Variants in CDKAL1 observed in about 807,000 individuals in gnomAD.
CDKAL1 encodes threonylcarbamoyladenosine tRNA methylthiotransferase.
In CDKAL1, 32 loss-of-function variants were observed where a neutral mutation model predicts 68.2. The ratio of observed to expected loss-of-function variants is 0.47; its 90% confidence interval spans 0.35 to 0.63. The LOEUF is 0.63. Among genes scored for constraint, CDKAL1 ranks in the 30% least tolerant of loss-of-function variants. CDKAL1 has a pLI of 0.00. For missense variants in CDKAL1, 606 were observed against 696.7 expected (o/e 0.87, Z 1.47); for synonymous variants, 234 against 244.3 (o/e 0.96, Z 0.39).
At chr6:20,824,179 G>A (rs1228789194) in intron 8 of CDKAL1, among the ~76,000 whole-genome samples, 1 of 152,136 alleles carries the variant, frequency 6.6e-6, no homozygotes, top group African/African-American at 2.4e-5. Flanking sequence ...CTGTAGTGCA[G>A]TTAAAAGGAT....
At chr6:20,748,468 G>C (rs1308488667) in intron 6 of CDKAL1, among the ~76,000 whole-genome samples, 1 of 148,762 alleles carries the variant, frequency 6.7e-6, no homozygotes. Flanking sequence ...TCCAGGCTGT[G>C]GTGAGTTCCA....
intron 15 of CDKAL1, among the ~76,000 whole-genome samples, chr6:21,208,615 T>G (rs1161717317): frequency 6.6e-6 from 1 of 151,822 alleles, no homozygotes; most frequent in Non-Finnish European, 1.5e-5. Context: ...TGTTCCTTTT[T>G]TTTCTTACTA....
At chr6:21,007,715 G>A (rs1767808324) in intron 11 of CDKAL1, among the ~76,000 whole-genome samples, 1 of 152,104 alleles carries the variant, frequency 6.6e-6, no homozygotes, top group African/African-American at 2.4e-5. Context: ...ATTTTTGGGT[G>A]TTTACTTTCA....
At chr6:21,033,575 AG>A (rs1769410817) in intron 11 of CDKAL1, among the ~76,000 whole-genome samples, 1 of 152,156 alleles carries the variant, frequency 6.6e-6, no homozygotes, top group Non-Finnish European at 1.5e-5. Flanking sequence ...CATATGGAAT[AG>A]TTTCCAAATC....
chr6:21,039,956 G>A (rs544236645), intron 11 of CDKAL1, among the ~76,000 whole-genome samples: 33 of 152,306 alleles, frequency 2.2e-4, no homozygotes, highest in African/African-American at 7.7e-4. Flanking sequence ...TAAACATTAA[G>A]TCAGTTCCCA....
At chr6:21,102,193 A>G (rs1157623308) in intron 12 of CDKAL1, among the ~76,000 whole-genome samples, 2 of 152,158 alleles carry the variant, frequency 1.3e-5, no homozygotes, top group South Asian at 2.1e-4. Flanking sequence ...TATAGTCTAT[A>G]AAAGCATAAT....
intron 11 of CDKAL1, among the ~76,000 whole-genome samples, chr6:21,062,871 G>C (rs1203860502): frequency 6.6e-6 from 1 of 151,484 alleles, no homozygotes; most frequent in Non-Finnish European, 1.5e-5. Context: ...ATCTTAATTT[G>C]ATAAACTGTT....
At chr6:20,891,174 G>T (rs961461021) in intron 9 of CDKAL1, among the ~76,000 whole-genome samples, 1 of 152,222 alleles carries the variant, frequency 6.6e-6, no homozygotes. Flanking sequence ...AGGCACTATG[G>T]TGTGTTCATT....
chr6:20,665,941 G>C (rs1243241588), intron 5 of CDKAL1, among the ~76,000 whole-genome samples: 1 of 128,150 alleles, frequency 7.8e-6, no homozygotes, highest in Non-Finnish European at 1.6e-5. Flanking sequence ...CTGCTTAATG[G>C]CAGTTGCACC....
intron 9 of CDKAL1, among the ~76,000 whole-genome samples, chr6:20,853,321 C>T (rs186998030): frequency 6.7e-6 from 1 of 149,884 alleles, no homozygotes; most frequent in Admixed American, 6.7e-5. Context: ...GGTGAGGTTG[C>T]AGTGAGCCAA....
intron 11 of CDKAL1, among the ~76,000 whole-genome samples, chr6:21,039,694 A>T (rs575657640): frequency 6.6e-6 from 1 of 152,260 alleles, no homozygotes; most frequent in South Asian, 2.1e-4. Context: ...AAGCATTTCT[A>T]TAAAATATGG....
At chr6:21,063,685 A>G (rs1490190043) in intron 11 of CDKAL1, among the ~76,000 whole-genome samples, 1 of 152,234 alleles carries the variant, frequency 6.6e-6, no homozygotes, top group East Asian at 1.9e-4. Flanking sequence ...AAATTGAGAA[A>G]GAGCTCTGAG....
intron 8 of CDKAL1, among the ~76,000 whole-genome samples, chr6:20,810,397 CACACACA>C (rs1776752263): frequency 2.8e-3 from 6 of 2,168 alleles, no homozygotes; most frequent in East Asian, 0.025. Flanking sequence ...CTCTGTCACA[CACACACA>C]CACACACACA....
At chr6:20,754,200 T>G (rs928314246) in intron 6 of CDKAL1, among the ~76,000 whole-genome samples, 2 of 152,136 alleles carry the variant, frequency 1.3e-5, no homozygotes, top group African/African-American at 4.8e-5. Context: ...CAAGCTGGGC[T>G]CAAACTCCTG....
chr6:20,954,288 GTTTTA>G lies in CDKAL1; in HGVS notation c.743-1127_743-1123del, dbSNP rs1486112741. 3.3e-5 allele frequency among the ~76,000 whole-genome samples: 5 copies of G among 152,180 alleles called. No individual in the cohort carries two copies. The South Asian group carries it at 6.2e-4, about 19-fold the overall frequency. On this transcript the variant is annotated intron_variant, in intron 9 of 15. Transcript: ENST00000274695. ...GTCCACGTTCACATAAAAGCCATGT[GTTTTA>G]TTTGTTGTCTCTCTTGGCTAGGAAT...
At chr6:21,129,477 A>G (rs974018805) in intron 13 of CDKAL1, among the ~76,000 whole-genome samples, 2 of 152,096 alleles carry the variant, frequency 1.3e-5, no homozygotes, top group African/African-American at 4.8e-5. Flanking sequence ...GCCTATGGTA[A>G]GAAGGCTCAA....
At chr6:20,550,615 G>A (rs1035234604) in intron 4 of CDKAL1, among the ~76,000 whole-genome samples, 4 of 152,104 alleles carry the variant, frequency 2.6e-5, no homozygotes, top group African/African-American at 9.7e-5. Flanking sequence ...TTGCCACCGT[G>A]AGGTGTCGCT....
chr6:20,728,130 A>G (rs1194385075), intron 5 of CDKAL1, among the ~76,000 whole-genome samples: 1 of 152,214 alleles, frequency 6.6e-6, no homozygotes, highest in Non-Finnish European at 1.5e-5. Context: ...TAATGTACAA[A>G]TAATGTCCTA....
chr6:20,861,699 A>G (rs1298843438), intron 9 of CDKAL1, among the ~76,000 whole-genome samples: 1 of 152,198 alleles, frequency 6.6e-6, no homozygotes, highest in Non-Finnish European at 1.5e-5. Context: ...TACATTAGAA[A>G]GTGTGATGCA....
Sources: gnomAD v4.1 joint callset for allele counts (sites outside exome capture counted in the v4.1 genomes callset) on GRCh38, gnomAD v4.1.1 for gene constraint, MANE v1.5 for transcripts, NCBI Gene and HGNC (gene_info 2026-07-23, HGNC 2026-07-21) for gene names.